ABCA3: variants seen among roughly 807,000 people sequenced by gnomAD.
The protein encoded by ABCA3 is phospholipid-transporting ATPase ABCA3.
A neutral mutation model predicts 172.8 loss-of-function variants in ABCA3; 88 were observed. The observed-to-expected ratio is 0.51, with a 90% CI of 0.43 to 0.61. ABCA3 has a LOEUF of 0.61. Among genes scored for constraint, ABCA3 ranks in the 20% least tolerant of loss-of-function variants. The pLI, the probability that ABCA3 is intolerant of heterozygous loss-of-function variation, is 0.00. For missense variants in ABCA3, 2,164 were observed against 2,301.0 expected, an observed-to-expected ratio of 0.94 and a Z score of 1.22; for synonymous variants, 1,066 against 983.8, an observed-to-expected ratio of 1.08 and a Z score of -1.56.
chr16:2,323,229 T>G, intron 7 of ABCA3: 1 of 498,338 alleles, frequency 2.0e-6, no homozygotes, highest in Non-Finnish European at 3.7e-6. Context: ...AGTTCAACCA[T>G]TGTGGAAGTC....
intron 19 of ABCA3, 65 bp downstream of exon 19, chr16:2,292,075 A>C: frequency 7.7e-7 from 1 of 1,296,288 alleles, no homozygotes; most frequent in East Asian, 2.4e-5. Flanking sequence ...CTCCATCTCA[A>C]AAAAAAAAAG....
chr16:2,288,894 C>T (rs1438964229), intron 20 of ABCA3, among the ~76,000 whole-genome samples: 2 of 152,142 alleles, frequency 1.3e-5, no homozygotes, highest in Non-Finnish European at 2.9e-5. Context: ...GCTGCCATCC[C>T]CTGCCCTCCC....
intron 18 of ABCA3, among the ~76,000 whole-genome samples, chr16:2,293,398 G>A (rs898327880): frequency 6.9e-6 from 1 of 145,300 alleles, no homozygotes; most frequent in Non-Finnish European, 1.5e-5. Flanking sequence ...TGGAGACAGG[G>A]TCTTGGTCTG....
chr16:2,301,163 G>A (rs941615899), intron 12 of ABCA3, among the ~76,000 whole-genome samples: 10 of 147,872 alleles, frequency 6.8e-5, no homozygotes, highest in South Asian at 2.1e-4. Context: ...CCCGGGAGGC[G>A]GAGCTTGCAG....
At chr16:2,323,749 G>C in intron 6 of ABCA3, 61 bp from the exon 7 acceptor site, 1 of 1,601,096 alleles carries the variant, frequency 6.2e-7, no homozygotes, top group East Asian at 2.2e-5. Context: ...GCAAACAACA[G>C]GGTGGAGTGG....
chr16:2,278,416 G>T lies in ABCA3; in HGVS notation c.4590C>A (p.Ile1530=). 6.2e-7 allele frequency: 1 copy of T among 1,612,908 alleles called. No individual in the cohort carries two copies. Among genetic ancestry groups the T allele is most frequent in the Non-Finnish European group, 8.5e-7 (1 of 1,180,022 alleles). ...CCAGGAAGATGACAGCAGGCTCTCC[G>T]ATCAGGGCGATGCCGGTGCTCAGCT... is the stretch of plus-strand genomic sequence containing the variant. The part of the protein sequence containing the change: ...KRKLSTGIAL[I]GEPAVIFLDE... Residue 1530 remains isoleucine (I), a synonymous_variant, in exon 30 of 33, where the codon ATC becomes ATA. Coordinates refer to ENST00000301732, the MANE Select transcript of ABCA3 (RefSeq NM_001089.3). This position sits in a 1 kb window ranked among gnomAD's most constrained non-coding sequence, Gnocchi z 4.4.
chr16:2,283,258 G>C lies in ABCA3; in HGVS notation c.3963C>G (p.Leu1321=). ...AASGCAYLIL[L]FLIETNLLQR... Reference sequence around the variant, plus strand: ...GAAGCAGGTTGGTCTCGATGAGGAAGAGCAGGATGAGGTAGGCGCACCCTG... The same window carrying C: ...GAAGCAGGTTGGTCTCGATGAGGAACAGCAGGATGAGGTAGGCGCACCCTG... The change falls in exon 26 of 33, where the codon CTC becomes CTG. Residue 1321 remains leucine, a synonymous_variant. Coordinates refer to ENST00000301732, the MANE Select transcript of ABCA3 (RefSeq NM_001089.3). The surrounding 1 kb of genome is among the most constrained non-coding windows in gnomAD (Gnocchi z 5.4). 6.2e-7 allele frequency: 1 copy of C among 1,613,470 alleles called. No homozygotes were observed. Among genetic ancestry groups the C allele is most frequent in the Non-Finnish European group, 8.5e-7 (1 of 1,179,998 alleles).
In ABCA3 at chr16:2,303,968, C is replaced by T. The variant is rs1328601053; in HGVS notation, c.1467+1G>A. Reference sequence around the variant, plus strand: ...CTCAAGAGCAGGGCATCAGAACTCACCATGATGAAGAAGTACCAGGGCTGA... The same window carrying T: ...CTCAAGAGCAGGGCATCAGAACTCATCATGATGAAGAAGTACCAGGGCTGA... On this transcript the variant is annotated splice_donor_variant, in intron 12 of 32. Coordinates refer to ENST00000301732, the MANE Select transcript of ABCA3 (RefSeq NM_001089.3). LOFTEE classifies it high-confidence loss of function. 1 of 1,613,954 alleles carries T rather than the reference C, an allele frequency of 6.2e-7. No homozygotes were observed.
chr16:2,285,054 G>A lies in ABCA3; in HGVS notation c.3484-56C>T. The A allele has an allele frequency of 6.4e-7, 1 of 1,567,630 alleles. No homozygotes were observed. Among genetic ancestry groups the A allele is most frequent in the Non-Finnish European group, 8.7e-7 (1 of 1,153,350 alleles). On this transcript the variant is annotated intron_variant, in intron 23 of 32. Coordinates refer to ENST00000301732, the MANE Select transcript of ABCA3 (RefSeq NM_001089.3). The surrounding 1 kb of genome is among the most constrained non-coding windows in gnomAD (Gnocchi z 4.7). The stretch of plus-strand genomic sequence containing the variant: ...ATGCCAAGCTGAGAGGAGCTCACGG[G>A]TAGGGAAGGGGTGAGAGGAGCATTT...
intron 18 of ABCA3, among the ~76,000 whole-genome samples, chr16:2,292,477 G>A (rs1159388978): frequency 1.2e-4 from 19 of 152,012 alleles, no homozygotes; most frequent in Admixed American, 1.2e-3. Flanking sequence ...GCAGGTGCCT[G>A]TAGTCCCAGC....
Position 2,288,289 on chromosome 16 carries a change from T to C in ABCA3, c.2741A>G (p.Lys914Arg), listed in dbSNP as rs763862811. 4 of 1,576,932 alleles carry C rather than the reference T, an allele frequency of 2.5e-6. No homozygotes were observed. Among genetic ancestry groups the C allele is most frequent in the Middle Eastern group, 1.7e-4 (1 of 6,024 alleles). ...HCQQFWAMFL[K>R]KAAYSWREWK... is the part of the protein sequence containing the mutation. ...CTCGCGCCAGCTGTATGCGGCCTTC[T>C]TCAGGAACATGGCCCAGAATTGCTG... The change falls in exon 21 of 33, where the codon AAG becomes AGG. Residue 914 changes from lysine (K) to arginine (R), a missense_variant. This residue lies in a region of ABCA3 where 1,343 missense variants were observed against 1,369.6 expected (regional missense o/e 0.98). Transcript: ENST00000301732.
chr16:2,288,232 G>A lies in ABCA3; in HGVS notation c.2798C>T (p.Pro933Leu), dbSNP rs370682991. 2.5e-6 allele frequency: 4 copies of A among 1,595,744 alleles called. No homozygotes were observed. The highest frequency in any genetic ancestry group is 1.3e-5 in the African/African-American group (1 of 74,616). ...WKMVAAQVLV[P>L]LTCVTLALLA... ...GAGGGCCAGGGTGACGCAGGTCAGA[G>A]GCACCAGGACCTGTGCCGCCACCAT... is the stretch of plus-strand genomic sequence containing the variant. Residue 933 changes from proline (P) to leucine (L), a missense_variant, in exon 21 of 33, where the codon CCT becomes CTT. Pro to Leu is a moderately conservative substitution (Grantham distance 98). Coordinates refer to ENST00000301732, the MANE Select transcript of ABCA3 (RefSeq NM_001089.3).
intron 12 of ABCA3, among the ~76,000 whole-genome samples, chr16:2,301,047 G>A (rs370090219): frequency 2.9e-4 from 44 of 150,346 alleles, no homozygotes; most frequent in East Asian, 2.1e-3. Context: ...TGGCTAACAC[G>A]GTGAAACCCC....
Position 2,276,273 on chromosome 16 carries a change from C to A in ABCA3, c.*401G>T. ...TTCAACCTGGCTGGCTTCCCGCTTC[C>A]TCCCCAGGGGAGATTAGTGTCGTGT... On this transcript the variant is annotated 3_prime_UTR_variant, in exon 33 of 33. Coordinates refer to ENST00000301732, the MANE Select transcript of ABCA3 (RefSeq NM_001089.3). 1 of 458,968 alleles carries A rather than the reference C, an allele frequency of 2.2e-6. No homozygotes were observed. Among genetic ancestry groups the A allele is most frequent in the African/African-American group, 2.0e-5 (1 of 50,332 alleles). 28.4% of individuals were successfully genotyped at this position (458,968 alleles called of 1,614,324 possible). A position where few individuals can be genotyped will look rare whatever the true frequency, so the allele number is the denominator to read the frequency against.
At position 2,288,077 on chromosome 16, in the gene ABCA3, G is replaced by A. The variant is rs780153948; in HGVS notation, c.2953C>T (p.His985Tyr). Residue 985 changes from histidine (H) to tyrosine (Y), a missense_variant, in exon 21 of 33, where the codon CAT becomes TAT. Coordinates refer to ENST00000301732, the MANE Select transcript of ABCA3 (RefSeq NM_001089.3). ...TCAGCCTGCAGTGCGTCTTTCAGATGCTCTGACAGCTGCTGACCCAGCTGG... is the reference window on the plus strand; with the variant it reads ...TCAGCCTGCAGTGCGTCTTTCAGATACTCTGACAGCTGCTGACCCAGCTGG... The part of the protein sequence containing the change: ...TSQLGQQLSE[H>Y]LKDALQAEGQ... 6 of 1,613,086 alleles carry A rather than the reference G, an allele frequency of 3.7e-6. No homozygotes were observed. In the South Asian group the frequency reaches 6.6e-5, roughly 18 times the overall value.
intron 12 of ABCA3, among the ~76,000 whole-genome samples, chr16:2,303,576 G>A (rs1320543226): frequency 1.3e-5 from 2 of 152,056 alleles, no homozygotes; most frequent in East Asian, 3.9e-4. Flanking sequence ...GGCCGAATGT[G>A]AACATTTTTA....
chr16:2,332,486 T>G, intron 1 of ABCA3: 2 of 944,868 alleles, frequency 2.1e-6, no homozygotes, highest in Non-Finnish European at 3.4e-6. Flanking sequence ...ACCAGGGCTT[T>G]GGAGATGGAC....
chr16:2,277,538 C>G lies in ABCA3; in HGVS notation c.4983+59G>C. On this transcript the variant is annotated intron_variant, in intron 32 of 32. Transcript: ENST00000301732. This position sits in a 1 kb window ranked among gnomAD's most constrained non-coding sequence, Gnocchi z 5.3. ...TGCAGTCACCACAGAGGGAGAGACC[C>G]CTGGAGGGACCTCCCCCTGCCCCAT... The G allele has an allele frequency of 1.3e-6, 2 of 1,571,598 alleles. No individual in the cohort carries two copies. Among genetic ancestry groups the G allele is most frequent in the Non-Finnish European group, 1.7e-6 (2 of 1,146,252 alleles).
Position 2,285,714 on chromosome 16 carries a change from C to T in ABCA3, c.3279-68G>A, listed in dbSNP as rs1240894455. On this transcript the variant is annotated intron_variant, in intron 22 of 32. Coordinates refer to ENST00000301732, the MANE Select transcript of ABCA3 (RefSeq NM_001089.3). This position sits in a 1 kb window ranked among gnomAD's most constrained non-coding sequence, Gnocchi z 4.7. ...TGGGTGGCAGGAGAGGTCGGGTTCT[C>T]GGTTATGACCGCCCAAGGCATGCAG... 8.1e-6 allele frequency: 12 copies of T among 1,480,574 alleles called. No homozygotes were observed. The highest frequency in any genetic ancestry group is 2.4e-5 in the South Asian group (2 of 82,282). The allele number at this position is 1,480,574 out of a possible 1,614,324, so 91.7% of individuals were successfully genotyped here.
Sources: allele counts gnomAD v4.1 joint callset (sites outside exome capture counted in the v4.1 genomes callset), GRCh38; gene constraint gnomAD v4.1.1; regional missense constraint gnomAD v4.1.1; non-coding constraint Gnocchi (gnomAD v3.1); transcripts MANE v1.5; gene names NCBI Gene and HGNC (gene_info 2026-07-23, HGNC 2026-07-21).